COPZ2: variants seen among roughly 807,000 people sequenced by gnomAD.
COPZ2 encodes coat protein complex I subunit zeta 2.
COPZ2 carries 30 observed loss-of-function variants against 33.2 expected under a neutral mutation model. That is an observed-to-expected ratio of 0.90 (90% CI 0.68 to 1.23). COPZ2 has a LOEUF of 1.23. COPZ2 is among the 50% of genes most tolerant of loss of function. COPZ2 has a pLI of 0.00. For synonymous variants in COPZ2, 89 were observed against 102.6 expected (o/e 0.87, Z 0.80); for missense variants, 263 against 262.4 (o/e 1.00, Z -0.02).
Position 48,026,407 on chromosome 17 carries a change from G to A in COPZ2, c.*21C>T, listed in dbSNP as rs1465637881. On this transcript the variant is annotated 3_prime_UTR_variant, in exon 9 of 9. Coordinates refer to ENST00000621465, the MANE Select transcript of COPZ2 (RefSeq NM_016429.4). ...ATTGGGGAAATGATCTGGGGGGCAG[G>A]GAGCCTTGAATCCACAGCCTTCATT... 2 of 1,604,530 alleles carry A rather than the reference G, an allele frequency of 1.2e-6. No individual in the cohort carries two copies. Among genetic ancestry groups the A allele is most frequent in the East Asian group, 2.2e-5 (1 of 44,866 alleles).
At chr17:48,032,813 C>G in intron 4 of COPZ2, 72 bp from the exon 5 acceptor site, 1 of 1,259,970 alleles carries the variant, frequency 7.9e-7, no homozygotes, top group Non-Finnish European at 1.1e-6. Flanking sequence ...GCACTTGGAG[C>G]CCACCTGTGC....
chr17:48,030,331 A>ACACACACACACACACAC (rs1555571321), intron 6 of COPZ2, among the ~76,000 whole-genome samples: 1 of 111,800 alleles, frequency 8.9e-6, no homozygotes, highest in Non-Finnish European at 2.0e-5. Flanking sequence ...CACACACACA[A>ACACACACACACACACAC]AGAAACAAAC....
intron 3 of COPZ2, 52 bp from the exon 4 acceptor site, chr17:48,033,354 AG>A: frequency 9.9e-7 from 1 of 1,012,242 alleles, no homozygotes; most frequent in Non-Finnish European, 1.6e-6. Context: ...GTCCTAGCCT[AG>A]CCCCTCCTCC....
chr17:48,038,547 T>C (rs1310459196), upstream of COPZ2, among the ~76,000 whole-genome samples: 4 of 152,228 alleles, frequency 2.6e-5, no homozygotes, highest in Non-Finnish European at 4.4e-5. Context: ...GTAAAAACAC[T>C]GTGCGTGTAT....
Position 48,028,540 on chromosome 17 carries a change from T to G in COPZ2, c.547-30A>C. On this transcript the variant is annotated intron_variant, in intron 7 of 8. Coordinates refer to ENST00000621465, the MANE Select transcript of COPZ2 (RefSeq NM_016429.4). The surrounding 1 kb of genome is among the most constrained non-coding windows in gnomAD (Gnocchi z 4.5). ...AAGGAAGCAGAGTCAAGGGGTGGGG[T>G]AGGGCCAGCATGAGGGTCCTGGGTC... 6.2e-7 allele frequency: 1 copy of G among 1,600,144 alleles called. No individual in the cohort carries two copies. Among genetic ancestry groups the G allele is most frequent in the East Asian group, 2.3e-5 (1 of 44,366 alleles).
At chr17:48,044,650 T>C in the COPZ2 span, among the ~76,000 whole-genome samples, 3 of 152,122 alleles carry the variant, frequency 2.0e-5, no homozygotes, top group African/African-American at 7.2e-5. Context: ...AAGAGTGTGG[T>C]AGTGGTGCAT....
the COPZ2 span, chr17:48,043,526 A>G: frequency 2.0e-6 from 2 of 985,296 alleles, no homozygotes; most frequent in African/African-American, 3.5e-5. Context: ...GGCATCCTCT[A>G]GAGAAAACTA....
At chr17:48,032,129 G>T in intron 6 of COPZ2, 27 bp downstream of exon 6, 1 of 1,594,320 alleles carries the variant, frequency 6.3e-7, no homozygotes, top group Non-Finnish European at 8.6e-7. Flanking sequence ...CTCCTGCTGT[G>T]AGTGTCCCTG....
intron 1 of COPZ2, 42 bp from the exon 2 acceptor site, chr17:48,036,967 G>A: frequency 6.5e-7 from 1 of 1,541,802 alleles, no homozygotes; most frequent in Non-Finnish European, 9.0e-7. Flanking sequence ...CCTGACTCGA[G>A]GTGGACACCC....
chr17:48,042,582 C>T (rs545660325), upstream of COPZ2, among the ~76,000 whole-genome samples: 1 of 152,208 alleles, frequency 6.6e-6, no homozygotes, highest in Non-Finnish European at 1.5e-5. Flanking sequence ...CTGCCTCAGC[C>T]TCCCAAGTAG....
In COPZ2 at chr17:48,032,239, G is replaced by T. The variant is rs1162003741; in HGVS notation, c.417-6C>A. On this transcript the variant is annotated splice_region_variant and splice_polypyrimidine_tract_variant and intron_variant, in intron 5 of 8. Coordinates refer to ENST00000621465, the MANE Select transcript of COPZ2 (RefSeq NM_016429.4). ...AGCGCTTCTCCACGTTCTTCCTGAA[G>T]GTGGACACAAGCTCCTGAGCCTCCC... The T allele has an allele frequency of 6.2e-7, 1 of 1,610,734 alleles. No homozygotes were observed. Among genetic ancestry groups the T allele is most frequent in the Admixed American group, 1.7e-5 (1 of 59,654 alleles).
At chr17:48,031,424 C>T (rs2036892958) in intron 6 of COPZ2, among the ~76,000 whole-genome samples, 2 of 151,398 alleles carry the variant, frequency 1.3e-5, no homozygotes, top group Admixed American at 6.6e-5. Context: ...TTACTGCACA[C>T]CAGCCTGGGT....
In COPZ2 at chr17:48,033,276, T is replaced by C; in HGVS notation, c.295A>G (p.Thr99Ala). 1.2e-6 allele frequency: 2 copies of C among 1,613,042 alleles called. No individual in the cohort carries two copies. Among genetic ancestry groups the C allele is most frequent in the Non-Finnish European group, 1.7e-6 (2 of 1,179,438 alleles). Residue 99 changes from threonine (T) to alanine (A), a missense_variant, in exon 4 of 9, where the codon ACC (threonine) becomes GCC (alanine). Transcript: ENST00000621465. ...ESEIAFFGGM[T>A]IVYKNSIDLF... is the part of the protein sequence containing the mutation. ...TCAATGCTGTTCTTGTAGACGATGG[T>C]CATACCCCCAAAAAATGCAATCTCA...
In COPZ2 at chr17:48,036,855, G is replaced by A; in HGVS notation, c.182C>T (p.Ala61Val). Residue 61 changes from alanine to valine, a missense_variant, in exon 2 of 9, where the codon GCC becomes GTC. Physicochemically the swap from Ala to Val is moderately conservative, Grantham distance 64. Coordinates refer to ENST00000621465, the MANE Select transcript of COPZ2 (RefSeq NM_016429.4). ...ATGGGTGGGGTCAGAGGTTACCTTG[G>A]CCAGCAGCCGGCGCCCGTCATTATC... The part of the protein sequence containing the change: ...ILDNDGRRLL[A>V]KYYDDTFPSM... 1 of 1,613,764 alleles carries A rather than the reference G, an allele frequency of 6.2e-7. No individual in the cohort carries two copies. The highest frequency in any genetic ancestry group is 8.5e-7 in the Non-Finnish European group (1 of 1,179,798).
rs375677143 is a variant in COPZ2 at position 48,033,690 on chromosome 17, G to A, written c.268+173C>T. On this transcript the variant is annotated intron_variant, in intron 3 of 8. Transcript: ENST00000621465. ...GGGAACTGGAGAGTGACAGGGAGTG[G>A]AGGTTCCCTGGAGGAAGGGAGTGGA... 1.5e-3 allele frequency among the ~76,000 whole-genome samples: 230 copies of A among 152,306 alleles called. 4 individuals carry two copies. Among genetic ancestry groups the A allele is most frequent in the African/African-American group, 5.1e-3 (210 of 41,564 alleles).
chr17:48,037,528 G>T lies in COPZ2; in HGVS notation c.111+139C>A. 1.2e-6 allele frequency: 1 copy of T among 818,118 alleles called. No homozygotes were observed. 50.7% of individuals were successfully genotyped at this position (818,118 alleles called of 1,614,324 possible). A position where few individuals can be genotyped will look rare whatever the true frequency, so the allele number is the denominator to read the frequency against. On this transcript the variant is annotated intron_variant, in intron 1 of 8. Coordinates refer to ENST00000621465, the MANE Select transcript of COPZ2 (RefSeq NM_016429.4). The surrounding 1 kb of genome is among the most constrained non-coding windows in gnomAD (Gnocchi z 5.6). ...GCGCTGGGACGAACTTTTCCTCCCG[G>T]GTCCTGGGGCCAGTCAGGGGTGACA... is the stretch of plus-strand genomic sequence containing the variant.
intron 2 of COPZ2, among the ~76,000 whole-genome samples, chr17:48,034,648 T>G (rs1340036113): frequency 1.3e-5 from 2 of 152,070 alleles, no homozygotes; most frequent in African/African-American, 2.4e-5. Flanking sequence ...ACAGCTACTT[T>G]ATTATCCCCA....
At position 48,036,932 on chromosome 17, in the gene COPZ2, C is replaced by T. The variant is rs1567743505; in HGVS notation, c.112-7G>A. The T allele has an allele frequency of 6.2e-7, 1 of 1,613,262 alleles. No homozygotes were observed. The highest frequency in any genetic ancestry group is 1.3e-5 in the African/African-American group (1 of 74,844). ...AGAGGGAAGGTTCCTGCAACTGACA[C>T]CGGAGAGGAGAGTTCCGTTTGGCCC... On this transcript the variant is annotated splice_polypyrimidine_tract_variant and splice_region_variant and intron_variant, in intron 1 of 8. Coordinates refer to ENST00000621465, the MANE Select transcript of COPZ2 (RefSeq NM_016429.4).
At position 48,032,168 on chromosome 17, in the gene COPZ2, A is replaced by G. The variant is rs187597192; in HGVS notation, c.482T>C (p.Ile161Thr). 2,346 of 1,613,276 alleles carry G rather than the reference A, an allele frequency of 1.5e-3. 5 individuals carry two copies. The highest frequency in any genetic ancestry group is 1.8e-3 in the Non-Finnish European group (2,153 of 1,179,646). The stretch of plus-strand genomic sequence containing the variant: ...GTCCCCTCCTCACCCGCCATCCACA[A>G]TCTCGTCCAGCACCAAGAAGGCTCC... ...MDGAFLVLDE[I>T]VDGGVILESD... Residue 161 changes from isoleucine (I) to threonine (T), a missense_variant, in exon 6 of 9, where the codon ATT (isoleucine) becomes ACT (threonine). Coordinates refer to ENST00000621465, the MANE Select transcript of COPZ2 (RefSeq NM_016429.4).
Sources: allele counts gnomAD v4.1 joint callset (sites outside exome capture counted in the v4.1 genomes callset), GRCh38; gene constraint gnomAD v4.1.1; non-coding constraint Gnocchi (gnomAD v3.1); transcripts MANE v1.5; gene names NCBI Gene and HGNC (gene_info 2026-07-23, HGNC 2026-07-21).